SORCS1: variants seen among roughly 807,000 people sequenced by gnomAD.
SORCS1 encodes sortilin related VPS10 domain containing receptor 1, also known as VPS10 domain-containing receptor SorCS1.
In SORCS1, 60 loss-of-function variants were observed where a neutral mutation model predicts 146.1. That is an observed-to-expected ratio of 0.41 (90% CI 0.33 to 0.51). The LOEUF (loss-of-function observed/expected upper bound fraction) is 0.51. Ranked by LOEUF, SORCS1 falls within the 20% of genes least tolerant of loss-of-function variation. The pLI, the probability that SORCS1 is intolerant of heterozygous loss-of-function variation, is 0.21. For synonymous variants in SORCS1, 637 were observed against 584.0 expected (o/e 1.09, Z -1.31); for missense variants, 1,352 against 1,487.6 (o/e 0.91, Z 1.50).
chr10:107,160,048 TG>T (rs1969585421), intron 1 of SORCS1, among the ~76,000 whole-genome samples: 1 of 152,090 alleles, frequency 6.6e-6, no homozygotes, highest in African/African-American at 2.4e-5. Flanking sequence ...AAGAGGTGGG[TG>T]GATGAGAGAA....
chr10:106,978,748 A>C (rs749497218), intron 1 of SORCS1, among the ~76,000 whole-genome samples: 1 of 151,508 alleles, frequency 6.6e-6, no homozygotes, highest in Non-Finnish European at 1.5e-5. Flanking sequence ...CAGTGAGCTG[A>C]GATAGTGCCA....
At chr10:107,125,615 T>TGGG (rs1276980666) in intron 1 of SORCS1, among the ~76,000 whole-genome samples, 1 of 152,212 alleles carries the variant, frequency 6.6e-6, no homozygotes, top group African/African-American at 2.4e-5. Context: ...ATCAGAAGGC[T>TGGG]GGGAAGCAAA....
chr10:107,158,379 T>C (rs890949815), intron 1 of SORCS1, among the ~76,000 whole-genome samples: 2 of 152,262 alleles, frequency 1.3e-5, no homozygotes, highest in Admixed American at 6.5e-5. Context: ...TAAAGAGGAA[T>C]GTTTACATCT....
At chr10:107,087,712 G>A (rs1203945915) in intron 1 of SORCS1, among the ~76,000 whole-genome samples, 2 of 152,200 alleles carry the variant, frequency 1.3e-5, no homozygotes, top group African/African-American at 4.8e-5. Flanking sequence ...GAGAAGTCAA[G>A]CGTTTGAAGA....
At position 107,060,628 on chromosome 10, in the gene SORCS1, C is replaced by G. The variant is rs75482374; in HGVS notation, c.558+103341G>C. The stretch of plus-strand genomic sequence containing the variant: ...GCTGCCCAATCTATATCTTTGCCAA[C>G]AACCCTTTTCCCTTACTTTGTGATA... On this transcript the variant is annotated intron_variant, in intron 1 of 25. Coordinates refer to ENST00000263054, the MANE Select transcript of SORCS1 (RefSeq NM_052918.5). The surrounding 1 kb of genome is among the most constrained non-coding windows in gnomAD (Gnocchi z 4.1). Among the ~76,000 whole-genome samples, 38 of 152,304 alleles carry G rather than the reference C, an allele frequency of 2.5e-4. No homozygotes were observed. The East Asian group carries it at 4.5e-3, about 18-fold the overall frequency.
intron 9 of SORCS1, among the ~76,000 whole-genome samples, chr10:106,694,277 T>A (rs1414579165): frequency 6.6e-6 from 1 of 152,150 alleles, no homozygotes; most frequent in Admixed American, 6.5e-5. Flanking sequence ...TATTATTATT[T>A]TTCCTTTTTT....
chr10:107,047,452 C>T (rs1047575830), intron 1 of SORCS1, among the ~76,000 whole-genome samples: 4 of 152,168 alleles, frequency 2.6e-5, no homozygotes, highest in East Asian at 1.9e-4. Flanking sequence ...GTTACTGTCG[C>T]TTTAACTCAC....
At chr10:106,727,963 C>T (rs1856320957) in intron 6 of SORCS1, among the ~76,000 whole-genome samples, 1 of 152,134 alleles carries the variant, frequency 6.6e-6, no homozygotes, top group Non-Finnish European at 1.5e-5. Context: ...AATGGGCAGA[C>T]ACAAGTTATG....
intron 1 of SORCS1, among the ~76,000 whole-genome samples, chr10:107,024,832 A>C (rs566213519): frequency 6.6e-6 from 1 of 152,366 alleles, no homozygotes; most frequent in African/African-American, 2.4e-5. Flanking sequence ...TCCTTTAAAA[A>C]AAATGGCTGC....
At position 106,578,559 on chromosome 10, in the gene SORCS1, C is replaced by A. The variant is rs142278149; in HGVS notation, c.3371+810G>T. ...TCCTGAGGGAAAGTTCCTAGACTAC[C>A]AATAGATGTAAAAAAAAAAAAAATT... On this transcript the variant is annotated intron_variant, in intron 25 of 25. Transcript: ENST00000263054. 3.7e-4 allele frequency: 227 copies of A among 615,628 alleles called. 3 individuals are homozygous for A. In the South Asian group the frequency reaches 0.015, roughly 39 times the overall value. The allele number at this position is 615,628 out of a possible 1,614,324, so 38.1% of individuals were successfully genotyped here. A position where few individuals can be genotyped will look rare whatever the true frequency, so the allele number is the denominator to read the frequency against.
At chr10:106,691,626 T>C (rs960531067) in intron 9 of SORCS1, among the ~76,000 whole-genome samples, 1 of 152,146 alleles carries the variant, frequency 6.6e-6, no homozygotes, top group Non-Finnish European at 1.5e-5. Flanking sequence ...CCTTCTCTTA[T>C]CTGACTCTCT....
chr10:107,146,443 A>G (rs2134765820), intron 1 of SORCS1, among the ~76,000 whole-genome samples: 1 of 152,326 alleles, frequency 6.6e-6, no homozygotes, highest in African/African-American at 2.4e-5. Flanking sequence ...CTTCCCGAAA[A>G]GAATCCTGGA....
Position 106,709,077 on chromosome 10 carries a change from T to C in SORCS1, c.1143+146A>G, listed in dbSNP as rs140769845. The C allele has an allele frequency of 6.9e-5, 41 of 596,782 alleles. No individual in the cohort carries two copies. In the East Asian group the frequency reaches 7.3e-4, roughly 11 times the overall value. The allele number at this position is 596,782 out of a possible 1,614,324, so 37.0% of individuals were successfully genotyped here. A position where few individuals can be genotyped will look rare whatever the true frequency, so the allele number is the denominator to read the frequency against. On this transcript the variant is annotated intron_variant, in intron 7 of 25. Coordinates refer to ENST00000263054, the MANE Select transcript of SORCS1 (RefSeq NM_052918.5). Reference sequence around the variant, plus strand: ...ACTAATTATCCTTTTATTGAAAAGATAGTGATTTTCCCCTCTCTCCCTACC... The same window carrying C: ...ACTAATTATCCTTTTATTGAAAAGACAGTGATTTTCCCCTCTCTCCCTACC...
chr10:106,586,928 C>G (rs1230430391), intron 24 of SORCS1, among the ~76,000 whole-genome samples: 3 of 152,154 alleles, frequency 2.0e-5, no homozygotes, highest in Non-Finnish European at 4.4e-5. Context: ...GCCCTCCAGA[C>G]TGGAAAACAG....
chr10:106,990,828 TA>T (rs1267500359), intron 1 of SORCS1, among the ~76,000 whole-genome samples: 1 of 152,210 alleles, frequency 6.6e-6, no homozygotes, highest in Non-Finnish European at 1.5e-5. Context: ...CCAATTAAAA[TA>T]AAATCTCATT....
chr10:107,043,274 C>T (rs1361923181), intron 1 of SORCS1, among the ~76,000 whole-genome samples: 8 of 152,130 alleles, frequency 5.3e-5, no homozygotes, highest in Non-Finnish European at 1.0e-4. Context: ...TGCCCCATGT[C>T]TTCAGGGAGG....
At position 106,902,913 on chromosome 10, in the gene SORCS1, C is replaced by T. The variant is rs140573417; in HGVS notation, c.626+53600G>A. On this transcript the variant is annotated intron_variant, in intron 2 of 25. Transcript: ENST00000263054. ...CTAACATGGTGAAACCGTGCCTCTA[C>T]TAAAAATACAAAAAATTATCCAGGT... Among the ~76,000 whole-genome samples, 270 of 152,226 alleles carry T rather than the reference C, an allele frequency of 1.8e-3. 2 individuals are homozygous for T. The highest frequency in any genetic ancestry group is 5.6e-3 in the African/African-American group (231 of 41,532).
intron 2 of SORCS1, among the ~76,000 whole-genome samples, chr10:106,885,212 C>T (rs1950949857): frequency 6.9e-6 from 1 of 144,030 alleles, no homozygotes; most frequent in South Asian, 2.2e-4. Context: ...CTTCTTGCTT[C>T]TCTGTATTTT....
chr10:106,758,112 G>A (rs568240064), intron 5 of SORCS1, among the ~76,000 whole-genome samples: 2 of 152,150 alleles, frequency 1.3e-5, no homozygotes, highest in South Asian at 2.1e-4. Context: ...AATGTGTAAT[G>A]GCTTTTATAA....
Sources: allele counts gnomAD v4.1 joint callset (sites outside exome capture counted in the v4.1 genomes callset), GRCh38; gene constraint gnomAD v4.1.1; non-coding constraint Gnocchi (gnomAD v3.1); transcripts MANE v1.5; gene names NCBI Gene and HGNC (gene_info 2026-07-23, HGNC 2026-07-21).